Variants in RUFY3 observed in about 807,000 individuals in gnomAD.
The protein encoded by RUFY3 is RUN and FYVE domain containing 3.
A neutral mutation model predicts 84.0 loss-of-function variants in RUFY3; 34 were observed. The ratio of observed to expected loss-of-function variants is 0.40; its 90% CI spans 0.31 to 0.54. RUFY3 has a LOEUF of 0.54. RUFY3 is among the 20% of genes least tolerant of loss of function. RUFY3 has a pLI of 0.39. For synonymous variants in RUFY3, 242 were observed against 252.9 expected (o/e 0.96, Z 0.41); for missense variants, 507 against 736.8 (o/e 0.69, Z 3.61).
At chr4:70,761,332 G>T (rs927107168) in intron 1 of RUFY3, among the ~76,000 whole-genome samples, 3 of 152,218 alleles carry the variant, frequency 2.0e-5, no homozygotes, top group Non-Finnish European at 4.4e-5. Flanking sequence ...AATATGATGA[G>T]AGAATAAGTA....
intron 4 of RUFY3, 111 bp from the exon 5 acceptor site, chr4:70,768,427 A>G (rs1191634640): frequency 1.2e-5 from 11 of 908,430 alleles, no homozygotes; most frequent in Admixed American, 2.7e-5. Flanking sequence ...GTAGATGGCT[A>G]TAATCAACCA....
chr4:70,800,524 C>T (rs1276433248), intron 15 of RUFY3, among the ~76,000 whole-genome samples: 1 of 152,182 alleles, frequency 6.6e-6, no homozygotes, highest in African/African-American at 2.4e-5. Flanking sequence ...AAGTATAAGT[C>T]ATACATAGCA....
chr4:70,726,366 T>A (rs1718241174), intron 1 of RUFY3, among the ~76,000 whole-genome samples: 1 of 152,160 alleles, frequency 6.6e-6, no homozygotes, highest in South Asian at 2.1e-4. Context: ...CCATCACTCT[T>A]TTTTTTCTTT....
Position 70,794,787 on chromosome 4 carries a change from TACCTC to T in RUFY3, c.1458-6_1458-2del. ...TTTTTCATCCTTTTCCTCTCCAACT[TACCTC>T]AGGAACCAGCTTGAGTTAGAACTAA... On this transcript the variant is annotated splice_region_variant and splice_polypyrimidine_tract_variant and intron_variant, in intron 13 of 17. Transcript: ENST00000381006. 1.9e-6 allele frequency: 3 copies of T among 1,591,170 alleles called. No individual in the cohort carries two copies. The highest frequency in any genetic ancestry group is 2.6e-6 in the Non-Finnish European group (3 of 1,160,342).
Position 70,707,535 on chromosome 4 carries a change from C to T in RUFY3, c.358+2241C>T, listed in dbSNP as rs576853068. Among the ~76,000 whole-genome samples the T allele has an allele frequency of 3.2e-3, 482 of 152,284 alleles. 4 individuals carry two copies. Among genetic ancestry groups the T allele is most frequent in the Non-Finnish European group, 5.7e-3 (385 of 68,030 alleles). ...TGCTGGGATTACAGGGGTGAGCCGC[C>T]GTGCCCAGGCGGTATGGTGTTTTTT... On this transcript the variant is annotated intron_variant, in intron 1 of 11. Coordinates refer to the RUFY3 transcript ENST00000417478.
intron 11 of RUFY3, 122 bp from the exon 12 acceptor site, chr4:70,789,373 A>G (rs1260477594): frequency 4.1e-6 from 4 of 968,430 alleles, no homozygotes; most frequent in Non-Finnish European, 6.1e-6. Flanking sequence ...TTTCAGGATT[A>G]ACTGATATTG....
At chr4:70,769,792 T>C (rs6821563) in intron 5 of RUFY3, among the ~76,000 whole-genome samples, 26,251 of 152,110 alleles carry the variant, frequency 0.17, 4,609 homozygotes, top group African/African-American at 0.45. Flanking sequence ...GCTGTCTTTG[T>C]TGTACCCTTT....
chr4:70,807,428 CAT>C lies in RUFY3; in HGVS notation c.*771_*772del, dbSNP rs1179213334. 1 of 152,154 alleles carries C rather than the reference CAT, an allele frequency of 6.6e-6. No individual in the cohort carries two copies. Among genetic ancestry groups the C allele is most frequent in the Admixed American group, 6.5e-5 (1 of 15,272 alleles). 9.4% of individuals were successfully genotyped at this position (152,154 alleles called of 1,614,324 possible). A position where few individuals can be genotyped will look rare whatever the true frequency, so the allele number is the denominator to read the frequency against. On this transcript the variant is annotated 3_prime_UTR_variant, in exon 18 of 18. Transcript: ENST00000381006. ...ATTCCCTCCATCTTCCTTTCCAAGT[CAT>C]AATGGAAATTGTAAGGAGTTTTAAA...
chr4:70,805,762 C>T (rs1021907029), intron 17 of RUFY3, among the ~76,000 whole-genome samples: 1 of 152,138 alleles, frequency 6.6e-6, no homozygotes, highest in Non-Finnish European at 1.5e-5. Flanking sequence ...ATAAAAGCAA[C>T]CCCCTACTCC....
chr4:70,723,731 T>C (rs901151748), intron 1 of RUFY3, among the ~76,000 whole-genome samples: 17 of 152,228 alleles, frequency 1.1e-4, no homozygotes, highest in African/African-American at 3.6e-4. Context: ...AGAAATTCTT[T>C]ATAAACATCT....
At chr4:70,746,843 A>G (rs1722313412) in intron 1 of RUFY3, among the ~76,000 whole-genome samples, 1 of 152,214 alleles carries the variant, frequency 6.6e-6, no homozygotes, top group Non-Finnish European at 1.5e-5. Context: ...TCTTGAAGTG[A>G]TGAAAGTATA....
intron 1 of RUFY3, among the ~76,000 whole-genome samples, chr4:70,759,714 TTC>T (rs1217334361): frequency 1.3e-5 from 2 of 152,230 alleles, no homozygotes; most frequent in African/African-American, 4.8e-5. Context: ...GTAATAGCCA[TTC>T]TGAGTGAATT....
chr4:70,783,950 A>G (rs1359508799), intron 9 of RUFY3, among the ~76,000 whole-genome samples: 1 of 151,772 alleles, frequency 6.6e-6, no homozygotes, highest in Non-Finnish European at 1.5e-5. Context: ...CTTCTAATCT[A>G]CTCTCCCTAG....
intron 5 of RUFY3, 90 bp downstream of exon 5, chr4:70,768,751 G>A: frequency 8.3e-7 from 1 of 1,208,958 alleles, no homozygotes; most frequent in South Asian, 1.6e-5. Flanking sequence ...ACCAAATTAG[G>A]CCATATTCTA....
At chr4:70,789,837 T>A in intron 12 of RUFY3, 2 of 1,148,498 alleles carry the variant, frequency 1.7e-6, no homozygotes, top group Non-Finnish European at 2.2e-6. Context: ...CTTTTATGAC[T>A]GTTTTGAACA....
At chr4:70,795,905 T>G (rs946566056) in intron 14 of RUFY3, among the ~76,000 whole-genome samples, 2 of 152,198 alleles carry the variant, frequency 1.3e-5, no homozygotes, top group African/African-American at 4.8e-5. Flanking sequence ...ATCATAACTC[T>G]CACAGAATTG....
chr4:70,734,965 G>T (rs548469553), intron 1 of RUFY3, among the ~76,000 whole-genome samples: 2 of 152,056 alleles, frequency 1.3e-5, no homozygotes, highest in Non-Finnish European at 2.9e-5. Context: ...CTCTTCTTTG[G>T]GTTATCAGCT....
chr4:70,788,557 A>G (rs4431195), intron 10 of RUFY3, among the ~76,000 whole-genome samples: 152,019 of 152,292 alleles, frequency 1, 75,875 homozygotes, highest in Middle Eastern at 1. Flanking sequence ...GTATTAAATA[A>G]CACTATCTTT....
At chr4:70,803,630 T>C (rs1943710717) in intron 16 of RUFY3, among the ~76,000 whole-genome samples, 1 of 152,140 alleles carries the variant, frequency 6.6e-6, no homozygotes, top group East Asian at 1.9e-4. Context: ...CAGGCTGGTC[T>C]CAAACTCCTG....
Sources: gnomAD v4.1 joint callset for allele counts (sites outside exome capture counted in the v4.1 genomes callset) on GRCh38, gnomAD v4.1.1 for gene constraint, MANE v1.5 for transcripts, NCBI Gene and HGNC (gene_info 2026-07-23, HGNC 2026-07-21) for gene names.